ACCSL: variants seen among roughly 807,000 people sequenced by gnomAD.
ACCSL encodes 1-aminocyclopropane-1-carboxylate synthase homolog (inactive) like.
In ACCSL, 55 loss-of-function variants were observed where a neutral mutation model predicts 61.7. The ratio of observed to expected loss-of-function variants is 0.89; its 90% CI spans 0.72 to 1.12. ACCSL has a LOEUF of 1.12. Among genes scored for constraint, ACCSL ranks in the 50% most tolerant of loss-of-function variants. The probability of loss-of-function intolerance (pLI) is 0.00; values close to 1 mark genes in which losing one functional copy is unlikely to be tolerated. For synonymous variants in ACCSL, 258 were observed against 264.3 expected, an observed-to-expected ratio of 0.98 and a Z score of 0.23; for missense variants, 632 against 698.0, an observed-to-expected ratio of 0.91 and a Z score of 1.07.
At chr11:43,927,085 A>C in the ACCSL span, among the ~76,000 whole-genome samples, 1 of 152,232 alleles carries the variant, frequency 6.6e-6, no homozygotes, top group Non-Finnish European at 1.5e-5. Context: ...TTTTTTCTAC[A>C]CATTTATGTG....
chr11:44,006,907 T>C, the ACCSL span, among the ~76,000 whole-genome samples: 2 of 152,192 alleles, frequency 1.3e-5, no homozygotes, highest in Admixed American at 6.5e-5. Context: ...TTTTTAGCGA[T>C]GTTCTCCTCC....
Position 44,051,358 on chromosome 11 carries a change from T to A in ACCSL, c.659T>A (p.Phe220Tyr). The A allele has an allele frequency of 6.2e-7, 1 of 1,614,184 alleles. No individual in the cohort carries two copies. Among genetic ancestry groups the A allele is most frequent in the Non-Finnish European group, 8.5e-7 (1 of 1,180,040 alleles). The change falls in exon 4 of 14, where the codon TTC becomes TAC. Residue 220 changes from phenylalanine (F) to tyrosine (Y), a missense_variant. By Grantham distance (22) the Phe-to-Tyr change is conservative. Transcript: ENST00000378832. ...AGCCTGCGGGAAGAAGTGGCCCGGT[T>A]CCTGACCTACTACTGCAGGGCACCT... ...QPFLREEVAR[F>Y]LTYYCRAPTR...
At chr11:43,926,505 C>T in the ACCSL span, 1 of 455,964 alleles carries the variant, frequency 2.2e-6, no homozygotes, top group African/African-American at 2.0e-5. Context: ...GAATTCTGTT[C>T]AAGACCAGGG....
the ACCSL span, among the ~76,000 whole-genome samples, chr11:44,004,695 G>T: frequency 2.8e-4 from 43 of 152,266 alleles, no homozygotes; most frequent in South Asian, 8.3e-3. Flanking sequence ...CCATCTGCCC[G>T]CCCTATCCTC....
chr11:44,022,713 T>C, the ACCSL span, among the ~76,000 whole-genome samples: 2 of 152,196 alleles, frequency 1.3e-5, no homozygotes, highest in Admixed American at 1.3e-4. Flanking sequence ...TTTTATCCTA[T>C]TTTTATTTGT....
At chr11:43,999,549 A>C in the ACCSL span, among the ~76,000 whole-genome samples, 2 of 152,146 alleles carry the variant, frequency 1.3e-5, no homozygotes, top group African/African-American at 2.4e-5. Context: ...TCCTTGTCAC[A>C]TGGGTTTCTC....
the ACCSL span, among the ~76,000 whole-genome samples, chr11:44,030,933 G>A: frequency 3.9e-5 from 6 of 152,106 alleles, no homozygotes; most frequent in African/African-American, 1.2e-4. Flanking sequence ...TTTTATACAC[G>A]GGGAAACTGA....
the ACCSL span, among the ~76,000 whole-genome samples, chr11:43,971,937 C>T: frequency 6.6e-6 from 1 of 152,174 alleles, no homozygotes; most frequent in African/African-American, 2.4e-5. Flanking sequence ...TATTGACCTT[C>T]TTTTAGCACT....
chr11:43,944,606 A>G, the ACCSL span: 1 of 152,428 alleles, frequency 6.6e-6, no homozygotes, highest in East Asian at 1.9e-4. Flanking sequence ...TTTACATATG[A>G]GAAAACAAGC....
chr11:44,034,156 C>T, the ACCSL span, among the ~76,000 whole-genome samples: 1 of 152,306 alleles, frequency 6.6e-6, no homozygotes. Flanking sequence ...CCTAACACCA[C>T]ATGTACATGT....
At chr11:43,942,068 G>A in the ACCSL span, among the ~76,000 whole-genome samples, 9 of 151,582 alleles carry the variant, frequency 5.9e-5, no homozygotes, top group Admixed American at 4.6e-4. Flanking sequence ...GTGTGTGTGT[G>A]TGTGTGTGCG....
chr11:44,029,523 G>T, the ACCSL span, among the ~76,000 whole-genome samples: 2 of 152,196 alleles, frequency 1.3e-5, no homozygotes, highest in Admixed American at 1.3e-4. Flanking sequence ...ATGAAGTCCT[G>T]GTCAGAATGA....
upstream of ACCSL, among the ~76,000 whole-genome samples, chr11:44,045,536 T>C (rs1163143314): frequency 6.6e-6 from 1 of 152,178 alleles, no homozygotes; most frequent in Non-Finnish European, 1.5e-5. Flanking sequence ...GTTTGCTATA[T>C]AAATCTGCCC....
the ACCSL span, chr11:43,926,379 C>T: frequency 4.9e-4 from 170 of 347,918 alleles, no homozygotes; most frequent in Non-Finnish European, 7.9e-4. Flanking sequence ...CAAGGGTCGC[C>T]GACCAGGCTC....
At chr11:43,959,975 G>A in the ACCSL span, among the ~76,000 whole-genome samples, 4,741 of 152,178 alleles carry the variant, frequency 0.031, 236 homozygotes, top group African/African-American at 0.11. Flanking sequence ...TCAATGTGCC[G>A]CTGCCCCACA....
chr11:43,991,325 A>G, the ACCSL span, among the ~76,000 whole-genome samples: 1 of 152,224 alleles, frequency 6.6e-6, no homozygotes, highest in South Asian at 2.1e-4. Context: ...GCAAAATGAG[A>G]TCACAGAAAC....
At chr11:43,927,436 T>C in the ACCSL span, among the ~76,000 whole-genome samples, 39 of 152,358 alleles carry the variant, frequency 2.6e-4, 1 homozygote, top group Non-Finnish European at 2.6e-4. Context: ...AAAGCTGCAA[T>C]ATGTACTAGG....
chr11:43,958,641 C>T, the ACCSL span, among the ~76,000 whole-genome samples: 4 of 152,328 alleles, frequency 2.6e-5, no homozygotes, highest in East Asian at 1.9e-4. Flanking sequence ...TTCAGTCTAT[C>T]GGAGGGCTTA....
At chr11:43,952,342 G>T in the ACCSL span, among the ~76,000 whole-genome samples, 3 of 152,020 alleles carry the variant, frequency 2.0e-5, no homozygotes, top group African/African-American at 7.3e-5. Context: ...TTCTGTTCCC[G>T]TGTCAACTTA....
Sources: gnomAD v4.1 joint callset for allele counts (sites outside exome capture counted in the v4.1 genomes callset) on GRCh38, gnomAD v4.1.1 for gene constraint, MANE v1.5 for transcripts, NCBI Gene and HGNC (gene_info 2026-07-23, HGNC 2026-07-21) for gene names.